ITGB6: variants seen among roughly 807,000 people sequenced by gnomAD.
ITGB6 encodes integrin subunit beta 6, also known as integrin beta-6.
ITGB6 carries 80 observed loss-of-function variants against 84.5 expected under a neutral mutation model. The ratio of observed to expected loss-of-function variants is 0.95; its 90% CI spans 0.79 to 1.14. The LOEUF is 1.14. Among genes scored for constraint, ITGB6 ranks in the 50% most tolerant of loss-of-function variants. The pLI is 0.00. For synonymous variants in ITGB6, 383 were observed against 354.9 expected (o/e 1.08, Z -0.89); for missense variants, 1,006 against 968.0 (o/e 1.04, Z -0.52).
At chr2:160,121,954 G>C (rs368289171) in intron 12 of ITGB6, among the ~76,000 whole-genome samples, 1 of 151,272 alleles carries the variant, frequency 6.6e-6, no homozygotes, top group African/African-American at 2.4e-5. Context: ...CTCTTGTTGG[G>C]GGAAGGGTAG....
intron 12 of ITGB6, among the ~76,000 whole-genome samples, chr2:160,116,546 C>G (rs76659291): frequency 1.3e-5 from 2 of 152,192 alleles, no homozygotes; most frequent in Non-Finnish European, 2.9e-5. Context: ...CTGGTACCAG[C>G]CACTGCAAAA....
At chr2:160,169,082 C>T (rs574658169) in intron 7 of ITGB6, 130 bp downstream of exon 7, 16 of 569,510 alleles carry the variant, frequency 2.8e-5, no homozygotes, top group South Asian at 7.9e-5. Context: ...CTTAGCCAAG[C>T]GCCCAGTACA....
In ITGB6 at chr2:160,101,697, A is replaced by T. The variant is rs757945882; in HGVS notation, c.*39T>A. The T allele has an allele frequency of 2.7e-6, 3 of 1,105,402 alleles. No homozygotes were observed. The highest frequency in any genetic ancestry group is 4.2e-6 in the Non-Finnish European group (3 of 719,558). 68.5% of individuals were successfully genotyped at this position (1,105,402 alleles called of 1,614,324 possible). On this transcript the variant is annotated 3_prime_UTR_variant, in exon 15 of 15. Transcript: ENST00000283249. The stretch of plus-strand genomic sequence containing the variant: ...AAATTAAATAGTGCATTAACATTTC[A>T]TATCAGTGAAACAGACTTTTTTCAT...
At chr2:160,157,318 G>T (rs1002398640) in intron 7 of ITGB6, among the ~76,000 whole-genome samples, 1 of 152,176 alleles carries the variant, frequency 6.6e-6, no homozygotes, top group Non-Finnish European at 1.5e-5. Flanking sequence ...AGGGGGACAT[G>T]ATTCAAACCA....
At chr2:160,172,765 AG>A in intron 5 of ITGB6, 35 bp from the exon 6 acceptor site, 1 of 1,540,454 alleles carries the variant, frequency 6.5e-7, no homozygotes, top group Non-Finnish European at 9.0e-7. Context: ...GTGATATTGG[AG>A]GGAGGCAGGC....
intron 4 of ITGB6, among the ~76,000 whole-genome samples, chr2:160,177,885 A>AT (rs77041676): frequency 0.31 from 46,455 of 151,840 alleles, 8,864 homozygotes; most frequent in Non-Finnish European, 0.42. Context: ...TATCTATCTT[A>AT]TTTTTTTGGA....
intron 6 of ITGB6, among the ~76,000 whole-genome samples, chr2:160,171,373 C>T (rs7589820): frequency 0.31 from 44,850 of 142,776 alleles, 8,551 homozygotes; most frequent in Non-Finnish European, 0.43. Context: ...CTCGCTCTGT[C>T]GCCCAGGCTA....
chr2:160,137,900 A>G (rs1342863866), intron 9 of ITGB6, 49 bp from the exon 10 acceptor site: 1 of 1,580,190 alleles, frequency 6.3e-7, no homozygotes, highest in African/African-American at 1.3e-5. Context: ...AAAATGCACG[A>G]GGTGAAACAA....
intron 7 of ITGB6, among the ~76,000 whole-genome samples, 172 bp from the exon 8 acceptor site, chr2:160,142,243 C>T (rs1684027666): frequency 6.6e-6 from 1 of 152,174 alleles, no homozygotes; most frequent in Non-Finnish European, 1.5e-5. Flanking sequence ...TGTGCTGCTT[C>T]CTGTGCTCAA....
intron 4 of ITGB6, among the ~76,000 whole-genome samples, chr2:160,192,297 G>C (rs1170928545): frequency 6.6e-6 from 1 of 152,098 alleles, no homozygotes; most frequent in Non-Finnish European, 1.5e-5. Context: ...AAACAGAATA[G>C]TGTCCAGAAT....
Position 160,107,784 on chromosome 2 carries a change from GAGA to G in ITGB6, c.2160_2162del (p.Leu721del), listed in dbSNP as rs772331879. The G allele has an allele frequency of 6.2e-7, 1 of 1,613,964 alleles. No individual in the cohort carries two copies. The highest frequency in any genetic ancestry group is 8.5e-7 in the Non-Finnish European group (1 of 1,179,852). On this transcript the variant is annotated inframe_deletion, in exon 14 of 15. Transcript: ENST00000283249. Reference sequence around the variant, plus strand: ...AGATGCACAGTAGGACAACCCCGATGAGAAGAATAGCCAGGGAAACCCCTAACA... The same window carrying G: ...AGATGCACAGTAGGACAACCCCGATGAGAATAGCCAGGGAAACCCCTAACA...
Position 160,159,468 on chromosome 2 carries a change from C to G in ITGB6, c.1017+9744G>C, listed in dbSNP as rs372174412. Among the ~76,000 whole-genome samples, 4 of 152,138 alleles carry G rather than the reference C, an allele frequency of 2.6e-5. No individual in the cohort carries two copies. In the East Asian group the frequency reaches 5.8e-4, roughly 22 times the overall value. On this transcript the variant is annotated intron_variant, in intron 7 of 14. Transcript: ENST00000283249. ...TCCAGGGTTTTCAGCCTGTCATATA[C>G]CTGTGACATCTATACCCAGCAACAA...
intron 12 of ITGB6, among the ~76,000 whole-genome samples, chr2:160,119,886 C>T (rs1452758206): frequency 5.3e-5 from 8 of 152,170 alleles, no homozygotes; most frequent in Non-Finnish European, 1.2e-4. Context: ...CAAAAGAAGA[C>T]ATTTATGCAG....
At chr2:160,191,391 A>G in intron 4 of ITGB6, among the ~76,000 whole-genome samples, 1 of 152,222 alleles carries the variant, frequency 6.6e-6, no homozygotes, top group East Asian at 1.9e-4. Flanking sequence ...ACTAAGTGCC[A>G]GCCAATGAGA....
At chr2:160,164,195 A>G (rs574407802) in intron 7 of ITGB6, among the ~76,000 whole-genome samples, 17 of 152,310 alleles carry the variant, frequency 1.1e-4, no homozygotes, top group African/African-American at 3.6e-4. Context: ...GCTCTCTGAG[A>G]CTTCTTAAGG....
chr2:160,170,275 T>G (rs1685152960), intron 6 of ITGB6, among the ~76,000 whole-genome samples: 1 of 152,210 alleles, frequency 6.6e-6, no homozygotes, highest in Admixed American at 6.5e-5. Flanking sequence ...ATCTAAAGCC[T>G]TCTTTAGGCA....
intron 6 of ITGB6, among the ~76,000 whole-genome samples, chr2:160,171,107 A>G (rs1685181808): frequency 6.6e-6 from 1 of 152,192 alleles, no homozygotes; most frequent in Admixed American, 6.5e-5. Context: ...AGGTCAAGGA[A>G]TAGTAGTGAG....
intron 7 of ITGB6, among the ~76,000 whole-genome samples, chr2:160,152,316 T>G (rs1356726297): frequency 1.3e-5 from 2 of 152,168 alleles, no homozygotes; most frequent in African/African-American, 2.4e-5. Context: ...ATAAACATAA[T>G]CCATCACATA....
intron 4 of ITGB6, among the ~76,000 whole-genome samples, chr2:160,191,594 C>T (rs1686145803): frequency 6.6e-6 from 1 of 152,058 alleles, no homozygotes; most frequent in Admixed American, 6.6e-5. Context: ...ATCCTTTCTC[C>T]CTAAGATCAT....
Sources: gnomAD v4.1 joint callset for allele counts (sites outside exome capture counted in the v4.1 genomes callset) on GRCh38, gnomAD v4.1.1 for gene constraint, MANE v1.5 for transcripts, NCBI Gene and HGNC (gene_info 2026-07-23, HGNC 2026-07-21) for gene names.